SLIT1: variants seen among roughly 807,000 people sequenced by gnomAD.
SLIT1 encodes the protein slit guidance ligand 1.
A neutral mutation model predicts 186.1 loss-of-function variants in SLIT1; 66 were observed. That is an observed-to-expected ratio of 0.35 (90% CI 0.29 to 0.44). The LOEUF (loss-of-function observed/expected upper bound fraction) is 0.44. Ranked by LOEUF, SLIT1 falls within the 20% of genes least tolerant of loss-of-function variation. The pLI is 1.00. For synonymous variants in SLIT1, 761 were observed against 833.8 expected, an observed-to-expected ratio of 0.91 and a Z score of 1.50; for missense variants, 1,638 against 2,037.4, an observed-to-expected ratio of 0.80 and a Z score of 3.77.
At chr10:97,057,179 C>T in intron 12 of SLIT1, 31 bp downstream of exon 12, 3 of 1,583,546 alleles carry the variant, frequency 1.9e-6, no homozygotes, top group Non-Finnish European at 2.6e-6. Context: ...TTCCCTGGGT[C>T]CCACCCAAGA....
intron 3 of SLIT1, among the ~76,000 whole-genome samples, chr10:97,162,790 A>G (rs1850047075): frequency 6.6e-6 from 1 of 152,134 alleles, no homozygotes; most frequent in African/African-American, 2.4e-5. Flanking sequence ...CACCGTGAAC[A>G]TGATGAGTGC....
chr10:97,101,406 C>T (rs1263725935), intron 4 of SLIT1: 1 of 152,218 alleles, frequency 6.6e-6, no homozygotes, highest in Non-Finnish European at 1.5e-5. Flanking sequence ...CAAAGAACCC[C>T]TAGTGGCGGA....
At chr10:97,137,488 G>T (rs1428574814) in intron 4 of SLIT1, among the ~76,000 whole-genome samples, 1 of 152,190 alleles carries the variant, frequency 6.6e-6, no homozygotes, top group Non-Finnish European at 1.5e-5. Context: ...CTGTTAGAGG[G>T]ACTCTGACTT....
intron 1 of SLIT1, among the ~76,000 whole-genome samples, chr10:97,175,571 A>T (rs139343903): frequency 7.4e-4 from 113 of 152,226 alleles, no homozygotes; most frequent in Middle Eastern, 3.4e-3. Flanking sequence ...TCGCAATCCG[A>T]GTGGGTGTGA....
At chr10:97,007,972 G>A (rs1230449371) in intron 31 of SLIT1, among the ~76,000 whole-genome samples, 1 of 149,912 alleles carries the variant, frequency 6.7e-6, no homozygotes, top group South Asian at 2.2e-4. Flanking sequence ...GGAAAGAAAA[G>A]GAATGAAGGA....
chr10:97,126,752 T>C (rs1316046981), intron 4 of SLIT1, among the ~76,000 whole-genome samples: 1 of 152,188 alleles, frequency 6.6e-6, no homozygotes, highest in Non-Finnish European at 1.5e-5. Context: ...GGGCAGGTCC[T>C]GAGAGCTCAC....
At chr10:97,180,308 C>T (rs1478272518) in intron 1 of SLIT1, among the ~76,000 whole-genome samples, 1 of 152,254 alleles carries the variant, frequency 6.6e-6, no homozygotes, top group African/African-American at 2.4e-5. Context: ...GCGAGCATTA[C>T]CGCATTTAAT....
intron 10 of SLIT1, among the ~76,000 whole-genome samples, chr10:97,059,771 A>G (rs1032375621): frequency 6.6e-6 from 1 of 152,162 alleles, no homozygotes; most frequent in African/African-American, 2.4e-5. Flanking sequence ...AAGCTTTCCC[A>G]TGCATCCTGG....
chr10:97,119,381 T>A (rs1849538004), intron 4 of SLIT1, among the ~76,000 whole-genome samples: 1 of 152,170 alleles, frequency 6.6e-6, no homozygotes, highest in South Asian at 2.1e-4. Flanking sequence ...GGCTGCTGCC[T>A]CCGTGTTCTT....
chr10:97,181,155 T>TA (rs1211718299), intron 1 of SLIT1, among the ~76,000 whole-genome samples: 1 of 152,058 alleles, frequency 6.6e-6, no homozygotes, highest in Non-Finnish European at 1.5e-5. Flanking sequence ...AGCCCAGCAA[T>TA]AAGCCAGTGG....
At chr10:97,119,913 G>GTATATATATATATA (rs55656011) in intron 4 of SLIT1, among the ~76,000 whole-genome samples, 2,249 of 56,250 alleles carry the variant, frequency 0.04, 189 homozygotes, top group Non-Finnish European at 0.054. Flanking sequence ...TTCCAAAGGG[G>GTATATATATATATA]TATATATATA....
At chr10:97,108,937 G>T (rs944601405) in intron 4 of SLIT1, among the ~76,000 whole-genome samples, 1 of 145,404 alleles carries the variant, frequency 6.9e-6, no homozygotes, top group African/African-American at 2.5e-5. Context: ...GGGACTCAGT[G>T]GTCCTGAGAT....
At chr10:97,059,245 C>T (rs1296933972) in intron 11 of SLIT1, among the ~76,000 whole-genome samples, 1 of 152,242 alleles carries the variant, frequency 6.6e-6, no homozygotes, top group African/African-American at 2.4e-5. Flanking sequence ...TTCTCCCGCT[C>T]CCAGCGTCGG....
intron 4 of SLIT1, among the ~76,000 whole-genome samples, chr10:97,097,956 TAAC>T (rs1286404787): frequency 1.3e-5 from 2 of 152,236 alleles, no homozygotes; most frequent in African/African-American, 4.8e-5. Flanking sequence ...ATCACCAGCC[TAAC>T]GATTTTGTTA....
intron 28 of SLIT1, among the ~76,000 whole-genome samples, chr10:97,014,885 A>G (rs543717736): frequency 6.7e-6 from 1 of 150,180 alleles, no homozygotes; most frequent in Non-Finnish European, 1.5e-5. Flanking sequence ...AAAAAAGCCT[A>G]GAGTGGAAGG....
At chr10:97,135,157 G>A (rs1276193311) in intron 4 of SLIT1, among the ~76,000 whole-genome samples, 1 of 152,216 alleles carries the variant, frequency 6.6e-6, no homozygotes, top group Non-Finnish European at 1.5e-5. Context: ...AGAGTCGAAG[G>A]CACGGGCTTC....
chr10:97,154,861 T>C (rs1849928300), intron 4 of SLIT1: 1 of 152,260 alleles, frequency 6.6e-6, no homozygotes, highest in Non-Finnish European at 1.5e-5. Context: ...CATTAAAATA[T>C]AGATGTCCTT....
At chr10:97,104,239 G>A (rs959216554) in intron 4 of SLIT1, among the ~76,000 whole-genome samples, 3 of 152,124 alleles carry the variant, frequency 2.0e-5, no homozygotes, top group African/African-American at 7.2e-5. Flanking sequence ...TCTAGGCACA[G>A]AGAACAGTCA....
At chr10:97,084,738 T>G (rs1849139855) in intron 4 of SLIT1, among the ~76,000 whole-genome samples, 1 of 151,850 alleles carries the variant, frequency 6.6e-6, no homozygotes, top group Non-Finnish European at 1.5e-5. Flanking sequence ...CCCGAGTAGC[T>G]GGGATTGCAG....
Sources: allele counts gnomAD v4.1 joint callset (sites outside exome capture counted in the v4.1 genomes callset), GRCh38; gene constraint gnomAD v4.1.1; transcripts MANE v1.5; gene names NCBI Gene and HGNC (gene_info 2026-07-23, HGNC 2026-07-21).